PHEX: variants seen among roughly 807,000 people sequenced by gnomAD.
PHEX encodes the protein phosphate-regulating neutral endopeptidase PHEX.
In PHEX, 16 loss-of-function variants were observed where a neutral mutation model predicts 68.0. The observed-to-expected ratio is 0.24, with a 90% confidence interval of 0.16 to 0.36. The LOEUF is 0.36. PHEX is among the 10% of genes least tolerant of loss of function. PHEX has a pLI of 1.00. For synonymous variants in PHEX, 208 were observed against 205.1 expected, an observed-to-expected ratio of 1.01 and a Z score of -0.12; for missense variants, 480 against 575.5, an observed-to-expected ratio of 0.83 and a Z score of 1.70.
chrX:22,058,763 G>T (rs184872692), intron 3 of PHEX, among the ~76,000 whole-genome samples: 1 of 112,181 alleles, frequency 8.9e-6, no homozygotes, highest in African/African-American at 3.2e-5. Context: ...CTCTTACGCC[G>T]CTCTAGAGCT....
Position 22,229,577 on chromosome X carries a change from T to C in PHEX, c.2070+1966T>C, listed in dbSNP as rs753575178. Among the ~76,000 whole-genome samples the C allele has an allele frequency of 4.4e-5, 5 of 112,594 alleles. No individual in the cohort carries two copies. The South Asian group carries it at 1.8e-3, about 41-fold the overall frequency. On this transcript the variant is annotated intron_variant, in intron 20 of 21. Coordinates refer to ENST00000379374, the MANE Select transcript of PHEX (RefSeq NM_000444.6). Reference sequence around the variant, plus strand: ...ATGTCTGTTCGTAGCCTTTGCCCACTTTTTGATGAGGTTGTTTTTTTCTTG... The same window carrying C: ...ATGTCTGTTCGTAGCCTTTGCCCACCTTTTGATGAGGTTGTTTTTTTCTTG...
In PHEX at chrX:22,176,384, CAAAAA is replaced by C. The variant is rs61277745; in HGVS notation, c.1483-1874_1483-1870del. Among the ~76,000 whole-genome samples, 526 of 73,872 alleles carry C rather than the reference CAAAAA, an allele frequency of 7.1e-3. 3 individuals carry two copies. The highest frequency in any genetic ancestry group is 0.014 in the Middle Eastern group (2 of 140). The allele number at this position is 73,872 out of a possible 115,157, so 64.1% of individuals were successfully genotyped here. A position where few individuals can be genotyped will look rare whatever the true frequency, so the allele number is the denominator to read the frequency against. On this transcript the variant is annotated intron_variant, in intron 13 of 21. Transcript: ENST00000379374. Reference sequence around the variant, plus strand: ...CCTGGGTGACAGAGCGAGACTGTCTCAAAAAAAAAAAAAAAAAAATATATATATAT... The same window carrying C: ...CCTGGGTGACAGAGCGAGACTGTCTCAAAAAAAAAAAAAATATATATATAT...
intron 3 of PHEX, among the ~76,000 whole-genome samples, chrX:22,050,804 A>G (rs1168401030): frequency 9.0e-6 from 1 of 111,509 alleles, no homozygotes; most frequent in Non-Finnish European, 1.9e-5. Context: ...CAAGAGACTC[A>G]GATGGAGTAT....
At chrX:22,170,085 A>G (rs1040959727) in intron 13 of PHEX, among the ~76,000 whole-genome samples, 2 of 112,239 alleles carry the variant, frequency 1.8e-5, no homozygotes, top group African/African-American at 6.5e-5. Flanking sequence ...ATTTCTACCA[A>G]TTTTGGAAAT....
intron 3 of PHEX, among the ~76,000 whole-genome samples, chrX:22,064,875 A>G (rs1235169282): frequency 8.9e-6 from 1 of 111,820 alleles, no homozygotes; most frequent in Non-Finnish European, 1.9e-5. Flanking sequence ...TCTTTATCCA[A>G]CTTGGGAAAC....
rs1198426834 is a variant in PHEX, at chrX:22,249,455, A to AATATATATATATATATATATATAT, written c.*1511_*1534dup. The AATATATATATATATATATATATAT allele has an allele frequency of 1.3e-4, 5 of 39,754 alleles. No individual in the cohort carries two copies. Among genetic ancestry groups the AATATATATATATATATATATATAT allele is most frequent in the South Asian group, 1.3e-3 (1 of 795 alleles). 3.3% of individuals were successfully genotyped at this position (39,754 alleles called of 1,213,427 possible). A position where few individuals can be genotyped will look rare whatever the true frequency, so the allele number is the denominator to read the frequency against. Reference sequence around the variant, plus strand: ...TTGTGATTCTTTTAAAAAAAAAAAAAATATATATATATATATATATATATA... The same window carrying AATATATATATATATATATATATAT: ...TTGTGATTCTTTTAAAAAAAAAAAAAATATATATATATATATATATATATATATATATATATATATATATATATA... On this transcript the variant is annotated 3_prime_UTR_variant, in exon 22 of 22. Transcript: ENST00000379374.
chrX:22,234,341 G>A (rs1800680332), intron 20 of PHEX, among the ~76,000 whole-genome samples: 1 of 112,645 alleles, frequency 8.9e-6, no homozygotes, highest in Middle Eastern at 4.6e-3. Context: ...AGGCAGGGAC[G>A]TTTAAGTCTG....
At chrX:22,117,573 G>A (rs887169210) in intron 11 of PHEX, among the ~76,000 whole-genome samples, 1 of 111,467 alleles carries the variant, frequency 9.0e-6, no homozygotes, top group African/African-American at 3.3e-5. Flanking sequence ...AACAATTAAA[G>A]GATAATGAAA....
chrX:22,198,864 A>T (rs1291363804), intron 15 of PHEX, among the ~76,000 whole-genome samples: 2 of 111,801 alleles, frequency 1.8e-5, no homozygotes, highest in Non-Finnish European at 3.8e-5. Flanking sequence ...TAAAGGAAAG[A>T]GGTTTAATGG....
intron 15 of PHEX, among the ~76,000 whole-genome samples, chrX:22,202,250 A>G (rs1423229517): frequency 4.5e-5 from 5 of 112,002 alleles, no homozygotes; most frequent in African/African-American, 6.5e-5. Flanking sequence ...GTAGTGTTCA[A>G]TTGAGAAAAC....
chrX:22,205,262 T>A (rs1481416140), intron 15 of PHEX, among the ~76,000 whole-genome samples: 1 of 112,137 alleles, frequency 8.9e-6, no homozygotes, highest in African/African-American at 3.2e-5. Flanking sequence ...TTTTTTTGGA[T>A]TGAATTTACT....
intron 20 of PHEX, among the ~76,000 whole-genome samples, chrX:22,244,429 A>G (rs755593847): frequency 1.4e-5 from 1 of 73,775 alleles, no homozygotes; most frequent in East Asian, 3.7e-4. Context: ...AATTTAAAGT[A>G]TAATAAAAAA....
intron 12 of PHEX, among the ~76,000 whole-genome samples, chrX:22,167,244 A>G (rs1403690764): frequency 9.0e-6 from 1 of 111,103 alleles, no homozygotes; most frequent in Admixed American, 9.6e-5. Flanking sequence ...TGACTGTACC[A>G]AATTATATTG....
chrX:22,047,956 T>A (rs1432497479), intron 3 of PHEX, among the ~76,000 whole-genome samples: 1 of 74,190 alleles, frequency 1.3e-5, no homozygotes, highest in African/African-American at 5.2e-5. Context: ...AATAGTATGG[T>A]TTTTTTTTTT....
At chrX:22,197,702 G>A (rs901030397) in intron 15 of PHEX, among the ~76,000 whole-genome samples, 3 of 111,579 alleles carry the variant, frequency 2.7e-5, no homozygotes, top group African/African-American at 6.5e-5. Context: ...TAGCAACTAT[G>A]TCTGGGGATG....
intron 11 of PHEX, among the ~76,000 whole-genome samples, chrX:22,123,103 C>A (rs773653310): frequency 3.9e-4 from 42 of 106,894 alleles, no homozygotes; most frequent in Non-Finnish European, 7.5e-4. Context: ...CATCTTCCCA[C>A]TTTAGCCTGC....
intron 12 of PHEX, among the ~76,000 whole-genome samples, chrX:22,143,398 C>T (rs1339120811): frequency 8.9e-6 from 1 of 111,783 alleles, no homozygotes; most frequent in Non-Finnish European, 1.9e-5. Flanking sequence ...TCACATGTAC[C>T]CATAAATATG....
intron 5 of PHEX, among the ~76,000 whole-genome samples, chrX:22,079,072 C>T (rs1449986746): frequency 8.9e-6 from 1 of 111,894 alleles, no homozygotes; most frequent in African/African-American, 3.2e-5. Flanking sequence ...AGTTCCAGAA[C>T]TATTATGATG....
intron 12 of PHEX, among the ~76,000 whole-genome samples, chrX:22,139,949 A>C (rs913276868): frequency 3.6e-5 from 4 of 111,234 alleles, no homozygotes; most frequent in Non-Finnish European, 5.7e-5. Context: ...TAGGTCATTC[A>C]TTCTCACACT....
Sources: gnomAD v4.1 joint callset for allele counts (sites outside exome capture counted in the v4.1 genomes callset) on GRCh38, gnomAD v4.1.1 for gene constraint, MANE v1.5 for transcripts, NCBI Gene and HGNC (gene_info 2026-07-23, HGNC 2026-07-21) for gene names.